The following PAFAH1B2 variants were observed in gnomAD, a reference collection of about 807,000 sequenced individuals.
PAFAH1B2 encodes the protein platelet-activating factor acetylhydrolase IB subunit alpha2.
In PAFAH1B2, 8 loss-of-function variants were observed where a neutral mutation model predicts 28.0. The observed-to-expected ratio is 0.29, with a 90% CI of 0.17 to 0.52. The LOEUF (loss-of-function observed/expected upper bound fraction) is 0.52, where lower values mean the gene tolerates loss of function less well. Ranked by LOEUF, PAFAH1B2 falls within the 20% of genes least tolerant of loss-of-function variation. PAFAH1B2 has a pLI of 0.97. For missense variants in PAFAH1B2, 190 were observed against 282.6 expected (o/e 0.67, Z 2.35); for synonymous variants, 104 against 103.2 (o/e 1.01, Z -0.05).
In PAFAH1B2 at chr11:117,145,362, C is replaced by T. The variant is rs939642292; in HGVS notation, c.-8+944C>T. 4.6e-5 allele frequency among the ~76,000 whole-genome samples: 7 copies of T among 152,258 alleles called. No individual in the cohort carries two copies. In the East Asian group the frequency reaches 1.2e-3, roughly 25 times the overall value. Reference sequence around the variant, plus strand: ...TCGGAGCTTTCGCCTCTTTGTAGAGCTTACCCGTAGAGAAAGGAAAGACCA... The same window carrying T: ...TCGGAGCTTTCGCCTCTTTGTAGAGTTTACCCGTAGAGAAAGGAAAGACCA... On this transcript the variant is annotated intron_variant, in intron 1 of 5. Transcript: ENST00000527958.
intron 2 of PAFAH1B2, among the ~76,000 whole-genome samples, chr11:117,159,026 A>T (rs373515773): frequency 6.6e-6 from 1 of 152,360 alleles, no homozygotes; most frequent in East Asian, 1.9e-4. Context: ...TCTACTTCAC[A>T]AGTGGTCCAG....
chr11:117,172,388 ATATATATATATATATATT>A (rs1956685794), downstream of PAFAH1B2, among the ~76,000 whole-genome samples: 2 of 1,840 alleles, frequency 1.1e-3, no homozygotes, highest in African/African-American at 2.0e-3. Flanking sequence ...ATATATATAT[ATATATATATATATATATT>A]TTTTTTTTTT....
rs1242219819 is a variant in PAFAH1B2, at chr11:117,160,061, C to T, written c.171+38C>T. ...GGGATGAGCGTGGTTCTTGGCTACT[C>T]ATGTATATCCATTCATTACTAACAG... On this transcript the variant is annotated intron_variant, in intron 3 of 5. Transcript: ENST00000527958. 3.1e-6 allele frequency: 4 copies of T among 1,311,126 alleles called. No homozygotes were observed. The South Asian group carries it at 3.5e-5, about 12-fold the overall frequency. 81.2% of individuals were successfully genotyped at this position (1,311,126 alleles called of 1,614,324 possible). A position where few individuals can be genotyped will look rare whatever the true frequency, so the allele number is the denominator to read the frequency against.
chr11:117,153,916 T>A (rs1033300360), intron 2 of PAFAH1B2, among the ~76,000 whole-genome samples: 1 of 151,378 alleles, frequency 6.6e-6, no homozygotes, highest in African/African-American at 2.4e-5. Context: ...TGTCCCAATA[T>A]TTTTTTCTTT....
chr11:117,149,868 T>A (rs746524222), intron 1 of PAFAH1B2, among the ~76,000 whole-genome samples: 12 of 152,068 alleles, frequency 7.9e-5, no homozygotes, highest in Non-Finnish European at 1.5e-4. Flanking sequence ...CTGGGCAGGA[T>A]TCTAGGCCGA....
intron 5 of PAFAH1B2, among the ~76,000 whole-genome samples, chr11:117,165,032 T>C (rs1034653612): frequency 3.5e-5 from 5 of 143,630 alleles, no homozygotes; most frequent in Admixed American, 7.1e-5. Flanking sequence ...CTCGGCTCAC[T>C]GCAAGCTCGG....
chr11:117,150,693 C>T (rs1029022688), intron 1 of PAFAH1B2, among the ~76,000 whole-genome samples: 3 of 152,082 alleles, frequency 2.0e-5, no homozygotes, highest in African/African-American at 7.2e-5. Context: ...ACTCGATCTT[C>T]TTTCTGAGAA....
At chr11:117,164,324 G>A (rs950976249) in intron 5 of PAFAH1B2, among the ~76,000 whole-genome samples, 6 of 151,908 alleles carry the variant, frequency 3.9e-5, no homozygotes, top group Admixed American at 1.3e-4. Flanking sequence ...GGAGAATGGC[G>A]TGAACTTGGG....
rs184121242 is a variant in PAFAH1B2, at chr11:117,164,557, C to G, written c.411+665C>G. Among the ~76,000 whole-genome samples, 36 of 152,280 alleles carry G rather than the reference C, an allele frequency of 2.4e-4. No homozygotes were observed. In the South Asian group the frequency reaches 4.6e-3, roughly 19 times the overall value. Reference sequence around the variant, plus strand: ...ATTACTTTGTAAGTGTCCTGTTTTACTGCTAATATGTTAAAGGTGGTATAT... The same window carrying G: ...ATTACTTTGTAAGTGTCCTGTTTTAGTGCTAATATGTTAAAGGTGGTATAT... On this transcript the variant is annotated intron_variant, in intron 5 of 5. Coordinates refer to ENST00000527958, the MANE Select transcript of PAFAH1B2 (RefSeq NM_002572.4).
exon 6 of PAFAH1B2, chr11:117,176,111 T>C (rs2029968865): frequency 1.6e-6 from 1 of 619,564 alleles, no homozygotes; most frequent in Non-Finnish European, 2.9e-6. Context: ...CAAACTTGAG[T>C]CTAGTGAGGT....
chr11:117,154,786 G>A (rs1956225189), intron 2 of PAFAH1B2, among the ~76,000 whole-genome samples: 1 of 152,010 alleles, frequency 6.6e-6, no homozygotes, highest in South Asian at 2.1e-4. Flanking sequence ...ATTTATACTT[G>A]GAATGATATA....
Position 117,170,956 on chromosome 11 carries a change from T to C in PAFAH1B2, c.*3257T>C. On this transcript the variant is annotated 3_prime_UTR_variant, in exon 6 of 6. Coordinates refer to ENST00000527958, the MANE Select transcript of PAFAH1B2 (RefSeq NM_002572.4). The stretch of plus-strand genomic sequence containing the variant: ...TGACTGGACCTCCCCATTGGAAGTT[T>C]GTGATTTTGCTTTGGCAAAGTTTCA... 1 of 1,054,054 alleles carries C rather than the reference T, an allele frequency of 9.5e-7. No individual in the cohort carries two copies. The highest frequency in any genetic ancestry group is 1.1e-6 in the Non-Finnish European group (1 of 872,144). 65.3% of individuals were successfully genotyped at this position (1,054,054 alleles called of 1,614,324 possible).
chr11:117,169,276 C>G lies in PAFAH1B2; in HGVS notation c.*1577C>G, dbSNP rs1270335157. 1.3e-5 allele frequency: 14 copies of G among 1,039,006 alleles called. No homozygotes were observed. Among genetic ancestry groups the G allele is most frequent in the Non-Finnish European group, 1.5e-5 (13 of 862,912 alleles). 64.4% of individuals were successfully genotyped at this position (1,039,006 alleles called of 1,614,324 possible). On this transcript the variant is annotated 3_prime_UTR_variant, in exon 6 of 6. Coordinates refer to ENST00000527958, the MANE Select transcript of PAFAH1B2 (RefSeq NM_002572.4). ...CTGAGAATTTGTTGATCTTAATGTT[C>G]GAGCTATATAAGAACTGCCATTAAA... is the stretch of plus-strand genomic sequence containing the variant.
In PAFAH1B2 at chr11:117,164,526, A is replaced by G. The variant is rs80257074; in HGVS notation, c.411+634A>G. 8.2e-3 allele frequency among the ~76,000 whole-genome samples: 1,254 copies of G among 152,228 alleles called. 20 individuals are homozygous for G. The highest frequency in any genetic ancestry group is 0.029 in the African/African-American group (1,221 of 41,540). ...TCCTGAGTCTTTTTATTAGACCTAT[A>G]TTTGGATTACTTTGTAAGTGTCCTG... On this transcript the variant is annotated intron_variant, in intron 5 of 5. Coordinates refer to ENST00000527958, the MANE Select transcript of PAFAH1B2 (RefSeq NM_002572.4).
Position 117,152,503 on chromosome 11 carries a change from A to G in PAFAH1B2, c.56A>G (p.Gln19Arg), listed in dbSNP as rs1331457389. Residue 19 changes from glutamine (Q) to arginine (R), a missense_variant, in exon 2 of 6, where the codon CAA (glutamine) becomes CGA (arginine). By Grantham distance (43) the Gln-to-Arg change is conservative. Coordinates refer to ENST00000527958, the MANE Select transcript of PAFAH1B2 (RefSeq NM_002572.4). The part of the protein sequence containing the change: ...AAIPHAAEDI[Q>R]GDDRWMSQHN... ...ATTCCGCATGCAGCAGAAGATATTC[A>G]AGGAGATGACCGATGGATGTCTCAG... is the stretch of plus-strand genomic sequence containing the variant. The G allele has an allele frequency of 2.5e-6, 4 of 1,613,470 alleles. No individual in the cohort carries two copies. Among genetic ancestry groups the G allele is most frequent in the Admixed American group, 1.7e-5 (1 of 60,028 alleles).
rs1446310568 is a variant in PAFAH1B2, at chr11:117,144,357, C to G, written c.-69C>G. On this transcript the variant is annotated 5_prime_UTR_variant, in exon 1 of 6. Transcript: ENST00000527958. ...AGCGGGACCGACGGGACCGAGCGAG[C>G]GACCGACGCGCCACCCGCCGACGCC... 9.6e-6 allele frequency: 4 copies of G among 418,568 alleles called. No individual in the cohort carries two copies. Among genetic ancestry groups the G allele is most frequent in the Admixed American group, 2.5e-5 (1 of 40,310 alleles). The allele number at this position is 418,568 out of a possible 1,614,324, so 25.9% of individuals were successfully genotyped here.
At chr11:117,149,401 G>C (rs921421507) in intron 1 of PAFAH1B2, among the ~76,000 whole-genome samples, 1 of 120,174 alleles carries the variant, frequency 8.3e-6, no homozygotes, top group Non-Finnish European at 1.8e-5. Context: ...ACTTTTTAAA[G>C]AATTTAATTT....
At chr11:117,145,028 A>G (rs954281828) in intron 1 of PAFAH1B2, among the ~76,000 whole-genome samples, 1 of 152,144 alleles carries the variant, frequency 6.6e-6, no homozygotes, top group Non-Finnish European at 1.5e-5. Flanking sequence ...TGTTTATTCA[A>G]AAGTTGCATA....
chr11:117,171,567 G>A, downstream of PAFAH1B2: 1 of 716,014 alleles, frequency 1.4e-6, no homozygotes, highest in Non-Finnish European at 2.4e-6. Context: ...TGTTACTACA[G>A]CATAGAGGAC....
Sources: gnomAD v4.1 joint callset for allele counts (sites outside exome capture counted in the v4.1 genomes callset) on GRCh38, gnomAD v4.1.1 for gene constraint, MANE v1.5 for transcripts, NCBI Gene and HGNC (gene_info 2026-07-23, HGNC 2026-07-21) for gene names.